Variants in KSR2 observed in about 807,000 individuals in gnomAD.
KSR2 encodes the protein kinase suppressor of ras 2.
Under a neutral mutation model 107.8 loss-of-function variants are expected in KSR2, and 25 were observed. The ratio of observed to expected loss-of-function variants is 0.23; its 90% CI spans 0.17 to 0.32. The LOEUF (loss-of-function observed/expected upper bound fraction) is 0.32, where lower values mean the gene tolerates loss of function less well. Among genes scored for constraint, KSR2 ranks in the 10% least tolerant of loss-of-function variants. KSR2 has a pLI of 1.00. For synonymous variants in KSR2, 480 were observed against 507.0 expected, an observed-to-expected ratio of 0.95 and a Z score of 0.71; for missense variants, 887 against 1,268.9, an observed-to-expected ratio of 0.70 and a Z score of 4.57.
intron 1 of KSR2, among the ~76,000 whole-genome samples, chr12:117,861,011 G>T (rs559674525): frequency 6.6e-6 from 1 of 152,114 alleles, no homozygotes; most frequent in East Asian, 1.9e-4. Flanking sequence ...GAGCCACTGC[G>T]CCCGGCCTGC....
intron 5 of KSR2, among the ~76,000 whole-genome samples, chr12:117,605,274 G>A (rs1593042242): frequency 6.6e-6 from 1 of 152,212 alleles, no homozygotes; most frequent in South Asian, 2.1e-4. Context: ...TCCAACCCAG[G>A]AAGGCTCTTA....
intron 4 of KSR2, among the ~76,000 whole-genome samples, chr12:117,695,742 G>A (rs1281441502): frequency 6.6e-6 from 1 of 151,722 alleles, no homozygotes; most frequent in African/African-American, 2.4e-5. Context: ...AGAAAAAAAG[G>A]AAAAAAGAGA....
intron 5 of KSR2, among the ~76,000 whole-genome samples, chr12:117,656,963 GAT>G (rs199502933): frequency 6.8e-5 from 6 of 88,834 alleles, no homozygotes; most frequent in Admixed American, 2.6e-4. Context: ...TATATAATAG[GAT>G]ATATATATAT....
At chr12:117,671,433 A>C (rs975096291) in intron 4 of KSR2, among the ~76,000 whole-genome samples, 2 of 152,160 alleles carry the variant, frequency 1.3e-5, no homozygotes, top group African/African-American at 4.8e-5. Context: ...TTCCAAGTAG[A>C]CTGTGGTCTT....
intron 5 of KSR2, among the ~76,000 whole-genome samples, chr12:117,598,739 T>A (rs1002746444): frequency 6.6e-6 from 1 of 152,142 alleles, no homozygotes; most frequent in African/African-American, 2.4e-5. Context: ...TTTTTTCATA[T>A]GTATATCTTA....
chr12:117,924,028 G>A (rs1168291295), intron 1 of KSR2, among the ~76,000 whole-genome samples: 2 of 151,150 alleles, frequency 1.3e-5, no homozygotes, highest in Admixed American at 6.6e-5. Flanking sequence ...ACAGGCATGC[G>A]CCACCACGCC....
chr12:117,639,177 A>T (rs1267042272), intron 5 of KSR2, among the ~76,000 whole-genome samples: 1 of 152,156 alleles, frequency 6.6e-6, no homozygotes, highest in Non-Finnish European at 1.5e-5. Flanking sequence ...TTTGCATCCA[A>T]GGCAAGCCTT....
intron 5 of KSR2, among the ~76,000 whole-genome samples, chr12:117,664,623 G>A (rs902075607): frequency 2.6e-5 from 4 of 152,132 alleles, no homozygotes; most frequent in African/African-American, 9.7e-5. Flanking sequence ...ATTTGCCTAG[G>A]AAAACTCAGT....
intron 5 of KSR2, among the ~76,000 whole-genome samples, chr12:117,603,300 C>T (rs1334779760): frequency 1.3e-5 from 2 of 152,220 alleles, no homozygotes; most frequent in African/African-American, 4.8e-5. Flanking sequence ...ACCTCCTTAG[C>T]TTAAGTGATT....
intron 14 of KSR2, among the ~76,000 whole-genome samples, chr12:117,491,410 C>T (rs1872735907): frequency 6.6e-6 from 1 of 152,018 alleles, no homozygotes; most frequent in Non-Finnish European, 1.5e-5. Context: ...GAACTCCTGA[C>T]CTCAGGTGAT....
At chr12:117,729,979 G>A (rs900481911) in intron 4 of KSR2, among the ~76,000 whole-genome samples, 2 of 152,310 alleles carry the variant, frequency 1.3e-5, no homozygotes, top group African/African-American at 4.8e-5. Context: ...CCACTTATTA[G>A]CTAGGATAGG....
chr12:117,694,846 T>TACTTC lies in KSR2; in HGVS notation c.987-27189_987-27188insGAAGT, dbSNP rs58762926. On this transcript the variant is annotated intron_variant, in intron 4 of 19. Transcript: ENST00000339824. ...CAAAAGGACAAATGTTGTATGATTC[T>TACTTC]TTTTTTTTTTTTTTTTTTTTTGAGA... 5.4e-3 allele frequency among the ~76,000 whole-genome samples: 378 copies of TACTTC among 69,688 alleles called. 26 individuals carry two copies. The highest frequency in any genetic ancestry group is 0.048 in the Middle Eastern group (6 of 126). 45.7% of individuals were successfully genotyped at this position (69,688 alleles called of 152,430 possible).
chr12:117,603,464 T>C (rs1881067150), intron 5 of KSR2, among the ~76,000 whole-genome samples: 1 of 152,222 alleles, frequency 6.6e-6, no homozygotes, highest in Non-Finnish European at 1.5e-5. Context: ...TTTTCAGAGT[T>C]GATGAGTGCC....
intron 5 of KSR2, among the ~76,000 whole-genome samples, chr12:117,647,882 T>A (rs1168364774): frequency 6.6e-6 from 1 of 152,066 alleles, no homozygotes. Flanking sequence ...TTTACCTTTA[T>A]TTTTTTGTAG....
chr12:117,935,826 C>T (rs1381804617), intron 1 of KSR2, among the ~76,000 whole-genome samples: 3 of 152,162 alleles, frequency 2.0e-5, no homozygotes, highest in Non-Finnish European at 4.4e-5. Context: ...ACACAAGCTT[C>T]CTAGCTGTTC....
chr12:117,519,837 TTACAG>T (rs1212766361), intron 14 of KSR2, among the ~76,000 whole-genome samples: 3 of 151,608 alleles, frequency 2.0e-5, no homozygotes, highest in African/African-American at 4.9e-5. Context: ...CCACAGGAAT[TTACAG>T]GGTATTGGAG....
chr12:117,563,270 G>A (rs527983108), intron 7 of KSR2, among the ~76,000 whole-genome samples: 1 of 152,248 alleles, frequency 6.6e-6, no homozygotes, highest in Non-Finnish European at 1.5e-5. Flanking sequence ...CGTGAAACTC[G>A]AGAACTACCA....
chr12:117,541,742 G>C (rs922735141), intron 9 of KSR2, among the ~76,000 whole-genome samples: 2 of 152,044 alleles, frequency 1.3e-5, no homozygotes, highest in Non-Finnish European at 2.9e-5. Context: ...AGGGGAAATG[G>C]ACATTCTCTG....
intron 1 of KSR2, among the ~76,000 whole-genome samples, chr12:117,879,169 A>C (rs1408215036): frequency 6.6e-6 from 1 of 152,182 alleles, no homozygotes; most frequent in African/African-American, 2.4e-5. Context: ...ATCCAGAATG[A>C]ATTATAGGTA....
Sources: allele counts gnomAD v4.1 joint callset (sites outside exome capture counted in the v4.1 genomes callset), GRCh38; gene constraint gnomAD v4.1.1; transcripts MANE v1.5; gene names NCBI Gene and HGNC (gene_info 2026-07-23, HGNC 2026-07-21).